The following MDGA2 variants were observed in gnomAD, a reference collection of about 807,000 sequenced individuals.
The protein encoded by MDGA2 is MAM domain containing glycosylphosphatidylinositol anchor 2.
A neutral mutation model predicts 117.8 loss-of-function variants in MDGA2; 40 were observed. The ratio of observed to expected loss-of-function variants is 0.34; its 90% CI spans 0.26 to 0.44. MDGA2 has a LOEUF of 0.44. Ranked by LOEUF, MDGA2 falls within the 20% of genes least tolerant of loss-of-function variation. The probability of loss-of-function intolerance (pLI) is 1.00; values close to 1 mark genes in which losing one functional copy is unlikely to be tolerated. For missense variants in MDGA2, 1,123 were observed against 1,250.6 expected, an observed-to-expected ratio of 0.90 and a Z score of 1.54; for synonymous variants, 452 against 439.0, an observed-to-expected ratio of 1.03 and a Z score of -0.37.
chr14:47,482,723 T>C lies in MDGA2; in HGVS notation c.281-181173A>G, dbSNP rs553413368. Among the ~76,000 whole-genome samples the C allele has an allele frequency of 1.3e-4, 20 of 152,118 alleles. No homozygotes were observed. In the South Asian group the frequency reaches 4.1e-3, roughly 31 times the overall value. On this transcript the variant is annotated intron_variant, in intron 1 of 16. Transcript: ENST00000399232. ...CTTCTAATTATCATTCTAACTCCTA[T>C]GTTGATAAGTTATAGTAAGTAAGGT...
At chr14:47,673,486 T>C (rs1041014558) in intron 1 of MDGA2, among the ~76,000 whole-genome samples, 2 of 152,100 alleles carry the variant, frequency 1.3e-5, no homozygotes, top group Admixed American at 6.5e-5. Context: ...GGACCGGCTG[T>C]GGGCGGGTCT....
chr14:47,143,247 G>C lies in MDGA2; in HGVS notation c.792+831C>G, dbSNP rs1882798422. On this transcript the variant is annotated intron_variant, in intron 4 of 16. Transcript: ENST00000399232. Reference sequence around the variant, plus strand: ...CAGCCTCAGCCTCCCAAAATGCTGAGAGTACAGGCATGAGCCACCACGCCT... The same window carrying C: ...CAGCCTCAGCCTCCCAAAATGCTGACAGTACAGGCATGAGCCACCACGCCT... Among the ~76,000 whole-genome samples, 4 of 152,254 alleles carry C rather than the reference G, an allele frequency of 2.6e-5. No individual in the cohort carries two copies. The South Asian group carries it at 6.2e-4, about 24-fold the overall frequency.
chr14:46,851,804 T>TA (rs1311134533), intron 15 of MDGA2, among the ~76,000 whole-genome samples: 2 of 151,794 alleles, frequency 1.3e-5, no homozygotes, highest in Admixed American at 6.6e-5. Context: ...ATTTATATAG[T>TA]AATATATTGG....
chr14:47,032,848 C>G (rs1159044106), intron 8 of MDGA2, among the ~76,000 whole-genome samples: 1 of 152,086 alleles, frequency 6.6e-6, no homozygotes, highest in Non-Finnish European at 1.5e-5. Flanking sequence ...AAGGGAGGTC[C>G]TTGAAAGCCA....
Position 46,857,767 on chromosome 14 carries a change from A to G in MDGA2, c.2753-2613T>C, listed in dbSNP as rs1028481550. 1.1e-4 allele frequency among the ~76,000 whole-genome samples: 16 copies of G among 152,054 alleles called. No homozygotes were observed. In the East Asian group the frequency reaches 3.1e-3, roughly 30 times the overall value. Reference sequence around the variant, plus strand: ...ACTCCTGGGCTCAAGGGATCTTCCCACCTCAGCTTCCAAAGTAGCTAGTAC... The same window carrying G: ...ACTCCTGGGCTCAAGGGATCTTCCCGCCTCAGCTTCCAAAGTAGCTAGTAC... On this transcript the variant is annotated intron_variant, in intron 14 of 16. Transcript: ENST00000399232.
intron 1 of MDGA2, among the ~76,000 whole-genome samples, chr14:47,543,276 G>A (rs1429514421): frequency 6.6e-6 from 1 of 151,766 alleles, no homozygotes; most frequent in African/African-American, 2.4e-5. Context: ...AGTAATGCAC[G>A]CACTCTAAAA....
chr14:47,245,768 G>A (rs944954542), intron 2 of MDGA2, among the ~76,000 whole-genome samples: 2 of 151,558 alleles, frequency 1.3e-5, no homozygotes, highest in Non-Finnish European at 3.0e-5. Flanking sequence ...TGTTAAAGTC[G>A]TTCATTACCT....
chr14:46,932,557 G>A (rs1884621149), intron 9 of MDGA2, among the ~76,000 whole-genome samples: 1 of 151,926 alleles, frequency 6.6e-6, no homozygotes, highest in Non-Finnish European at 1.5e-5. Context: ...TCATCTTCCT[G>A]TATTAATATT....
chr14:47,160,494 T>TCTACAAGGAACATA (rs1883589150), intron 3 of MDGA2, among the ~76,000 whole-genome samples: 2 of 152,240 alleles, frequency 1.3e-5, no homozygotes, highest in South Asian at 4.1e-4. Flanking sequence ...AGCGAAACCC[T>TCTACAAGGAACATA]GCCTCTACAA....
chr14:47,204,575 T>C (rs1205292439), intron 3 of MDGA2, among the ~76,000 whole-genome samples: 1 of 151,952 alleles, frequency 6.6e-6, no homozygotes, highest in Admixed American at 6.6e-5. Flanking sequence ...ATCTCATTCC[T>C]CTAATTCCCA....
At chr14:47,482,041 T>A (rs1264713506) in intron 1 of MDGA2, among the ~76,000 whole-genome samples, 2 of 152,042 alleles carry the variant, frequency 1.3e-5, no homozygotes, top group Non-Finnish European at 2.9e-5. Context: ...TTGTAAATAA[T>A]CAGCAGTCTG....
intron 2 of MDGA2, among the ~76,000 whole-genome samples, chr14:47,270,341 A>G (rs1461566523): frequency 6.6e-6 from 1 of 152,174 alleles, no homozygotes; most frequent in East Asian, 1.9e-4. Context: ...AAGCGGTTCC[A>G]TAAACTAGAG....
intron 5 of MDGA2, among the ~76,000 whole-genome samples, chr14:47,113,959 G>C (rs1346613207): frequency 6.6e-6 from 1 of 152,098 alleles, no homozygotes. Flanking sequence ...AAGAGAGGAA[G>C]TCAAACTGTA....
At chr14:47,448,115 G>GTTT (rs1594861536) in intron 1 of MDGA2, among the ~76,000 whole-genome samples, 1 of 128,368 alleles carries the variant, frequency 7.8e-6, no homozygotes, top group East Asian at 2.1e-4. Flanking sequence ...AGCTTTATTT[G>GTTT]AGGCCTACTT....
intron 1 of MDGA2, among the ~76,000 whole-genome samples, chr14:47,473,309 T>C (rs796094217): frequency 3.9e-5 from 6 of 152,248 alleles, no homozygotes; most frequent in African/African-American, 1.4e-4. Context: ...TATGACAGGT[T>C]CCAAAAATAT....
At chr14:46,956,737 A>T (rs1337013716) in intron 9 of MDGA2, among the ~76,000 whole-genome samples, 1 of 152,122 alleles carries the variant, frequency 6.6e-6, no homozygotes, top group Non-Finnish European at 1.5e-5. Context: ...AAAATAACTG[A>T]TATGGTTTGG....
intron 3 of MDGA2, among the ~76,000 whole-genome samples, chr14:47,184,717 T>A (rs543907482): frequency 1.2e-4 from 18 of 151,810 alleles, no homozygotes; most frequent in African/African-American, 4.3e-4. Flanking sequence ...TCTTTAATTT[T>A]TAGTAGTAAC....
chr14:47,581,432 T>C (rs944873173), intron 1 of MDGA2, among the ~76,000 whole-genome samples: 1 of 152,010 alleles, frequency 6.6e-6, no homozygotes, highest in Non-Finnish European at 1.5e-5. Context: ...TGTTCAAATA[T>C]AGTCTTTTAA....
intron 1 of MDGA2, among the ~76,000 whole-genome samples, chr14:47,329,713 T>C (rs1890241222): frequency 6.6e-6 from 1 of 152,204 alleles, no homozygotes; most frequent in South Asian, 2.1e-4. Context: ...GTGTTGACTA[T>C]AGTGAACTAA....
Sources: allele counts gnomAD v4.1 joint callset (sites outside exome capture counted in the v4.1 genomes callset), GRCh38; gene constraint gnomAD v4.1.1; transcripts MANE v1.5; gene names NCBI Gene and HGNC (gene_info 2026-07-23, HGNC 2026-07-21).